The following GRM7 variants were observed in gnomAD, a reference collection of about 807,000 sequenced individuals.
The protein encoded by GRM7 is glutamate metabotropic receptor 7.
A neutral mutation model predicts 84.5 loss-of-function variants in GRM7; 35 were observed. The ratio of observed to expected loss-of-function variants is 0.41; its 90% confidence interval spans 0.32 to 0.55. The LOEUF is 0.55. Ranked by LOEUF, GRM7 falls within the 20% of genes least tolerant of loss-of-function variation. The probability of loss-of-function intolerance (pLI) is 0.19; values close to 1 mark genes in which losing one functional copy is unlikely to be tolerated. For synonymous variants in GRM7, 487 were observed against 455.1 expected, an observed-to-expected ratio of 1.07 and a Z score of -0.89; for missense variants, 1,003 against 1,194.6, an observed-to-expected ratio of 0.84 and a Z score of 2.36.
intron 1 of GRM7, among the ~76,000 whole-genome samples, chr3:7,091,758 T>A (rs2125009517): frequency 1.1e-5 from 1 of 90,458 alleles, no homozygotes; most frequent in African/African-American, 5.6e-5. Flanking sequence ...TTTGACAGTA[T>A]GGTGCGGACT....
At chr3:7,709,656 C>T (rs1701513590) in intron 9 of GRM7, among the ~76,000 whole-genome samples, 1 of 152,084 alleles carries the variant, frequency 6.6e-6, no homozygotes, top group South Asian at 2.1e-4. Flanking sequence ...GTAAGATTTC[C>T]AAACAAGTGT....
intron 7 of GRM7, among the ~76,000 whole-genome samples, chr3:7,475,561 A>G (rs1378977986): frequency 6.6e-6 from 1 of 152,108 alleles, no homozygotes; most frequent in African/African-American, 2.4e-5. Context: ...GTCTGGGGAG[A>G]AGGAGTGGAA....
intron 1 of GRM7, among the ~76,000 whole-genome samples, chr3:7,028,205 T>G (rs896126274): frequency 1.3e-5 from 2 of 152,214 alleles, no homozygotes; most frequent in Non-Finnish European, 2.9e-5. Context: ...ATTTAATAAA[T>G]GTGTGCATCT....
At chr3:6,927,231 C>G (rs531023439) in intron 1 of GRM7, among the ~76,000 whole-genome samples, 1 of 151,936 alleles carries the variant, frequency 6.6e-6, no homozygotes, top group African/African-American at 2.4e-5. Context: ...AGTTTGAGAC[C>G]GGCCTGGCCA....
At chr3:7,713,133 T>C (rs938054156) in intron 9 of GRM7, among the ~76,000 whole-genome samples, 6 of 137,326 alleles carry the variant, frequency 4.4e-5, no homozygotes, top group African/African-American at 5.3e-5. Context: ...TGTTTTTTTT[T>C]TTTTTTTTTT....
At chr3:7,715,247 G>A (rs1279702485) in intron 9 of GRM7, among the ~76,000 whole-genome samples, 1 of 152,066 alleles carries the variant, frequency 6.6e-6, no homozygotes, top group Non-Finnish European at 1.5e-5. Flanking sequence ...ATTACTTGAG[G>A]CCAAGAGTTC....
At chr3:7,656,524 T>A (rs192499564) in intron 8 of GRM7, among the ~76,000 whole-genome samples, 1,770 of 67,222 alleles carry the variant, frequency 0.026, 22 homozygotes, top group Middle Eastern at 0.056. Context: ...TAAAAAAAAA[T>A]ATATATATAT....
chr3:6,897,774 C>G (rs1294540967), intron 1 of GRM7, among the ~76,000 whole-genome samples: 3 of 152,204 alleles, frequency 2.0e-5, no homozygotes, highest in Non-Finnish European at 4.4e-5. Context: ...CTGTGGTACT[C>G]TGAAAAGGGC....
At chr3:7,637,584 G>A (rs1289985689) in intron 8 of GRM7, among the ~76,000 whole-genome samples, 2 of 152,162 alleles carry the variant, frequency 1.3e-5, no homozygotes, top group East Asian at 3.9e-4. Flanking sequence ...TGGCTTTGCA[G>A]GAGCCTATCG....
In GRM7 at chr3:7,665,168, C is replaced by CT. The variant is rs34966790; in HGVS notation, c.2452-14860dup. Among the ~76,000 whole-genome samples the CT allele has an allele frequency of 8.7e-3, 892 of 102,508 alleles. 11 individuals carry two copies. Among genetic ancestry groups the CT allele is most frequent in the African/African-American group, 0.018 (445 of 25,128 alleles). 67.2% of individuals were successfully genotyped at this position (102,508 alleles called of 152,430 possible). A position where few individuals can be genotyped will look rare whatever the true frequency, so the allele number is the denominator to read the frequency against. On this transcript the variant is annotated intron_variant, in intron 8 of 9. Coordinates refer to ENST00000357716, the MANE Select transcript of GRM7 (RefSeq NM_000844.4). The stretch of plus-strand genomic sequence containing the variant: ...ATACGGAGAATGTTTGCCCATGATT[C>CT]TTTTTTTTTTTTTTTTTTTTTGAGA...
At chr3:7,035,876 C>G (rs750611882) in intron 1 of GRM7, among the ~76,000 whole-genome samples, 5 of 152,230 alleles carry the variant, frequency 3.3e-5, no homozygotes, top group South Asian at 2.1e-4. Context: ...ACAAATGTGG[C>G]TTAAACTTAA....
At chr3:7,011,932 C>T (rs1376451876) in intron 1 of GRM7, among the ~76,000 whole-genome samples, 1 of 152,122 alleles carries the variant, frequency 6.6e-6, no homozygotes, top group Non-Finnish European at 1.5e-5. Flanking sequence ...TTTATTCTGT[C>T]CTTTGTCTTG....
chr3:7,370,261 TCAGTATTAAGTG>T (rs1158075939), intron 4 of GRM7, among the ~76,000 whole-genome samples: 1 of 152,144 alleles, frequency 6.6e-6, no homozygotes, highest in African/African-American at 2.4e-5. Context: ...CCAATGCCCA[TCAGTATTAAGTG>T]TTGATGTGAT....
At chr3:7,122,768 T>C (rs1693267621) in intron 1 of GRM7, among the ~76,000 whole-genome samples, 1 of 152,226 alleles carries the variant, frequency 6.6e-6, no homozygotes, top group Non-Finnish European at 1.5e-5. Context: ...AACAAACATC[T>C]GTTGGGGTAG....
rs1194364587 is a variant in GRM7 at position 6,861,256 on chromosome 3, A to G, written c.-133A>G. ...ACCCTCTCTGGTCGCCCCTCCCCGG[A>G]TTCCCCCACCCTCCGTGCCTGCAGG... On this transcript the variant is annotated 5_prime_UTR_variant, in exon 1 of 10. Transcript: ENST00000357716. The surrounding 1 kb of genome is among the most constrained non-coding windows in gnomAD (Gnocchi z 6.4). 2 of 654,890 alleles carry G rather than the reference A, an allele frequency of 3.1e-6. No individual in the cohort carries two copies. Among genetic ancestry groups the G allele is most frequent in the South Asian group, 3.5e-5 (1 of 28,654 alleles). 40.6% of individuals were successfully genotyped at this position (654,890 alleles called of 1,614,324 possible). A position where few individuals can be genotyped will look rare whatever the true frequency, so the allele number is the denominator to read the frequency against.
chr3:6,903,595 GC>G (rs1223284907), intron 1 of GRM7, among the ~76,000 whole-genome samples: 6 of 151,976 alleles, frequency 3.9e-5, no homozygotes, highest in African/African-American at 1.4e-4. Flanking sequence ...CCATTATAAA[GC>G]AATTATCAAC....
chr3:7,429,119 C>G (rs1475448789), intron 5 of GRM7, among the ~76,000 whole-genome samples: 2 of 152,128 alleles, frequency 1.3e-5, no homozygotes, highest in Non-Finnish European at 2.9e-5. Flanking sequence ...AAGCCTGACA[C>G]AAGTGACTTT....
At chr3:6,967,149 C>T (rs1693552470) in intron 1 of GRM7, among the ~76,000 whole-genome samples, 2 of 152,144 alleles carry the variant, frequency 1.3e-5, no homozygotes, top group Admixed American at 1.3e-4. Flanking sequence ...AGTTGCCAAA[C>T]TATAGTAAGG....
intron 2 of GRM7, among the ~76,000 whole-genome samples, chr3:7,149,075 A>G (rs1171440317): frequency 6.6e-6 from 1 of 152,158 alleles, no homozygotes; most frequent in Non-Finnish European, 1.5e-5. Context: ...TATACATATT[A>G]TGGTATCTGG....
Sources: gnomAD v4.1 joint callset for allele counts (sites outside exome capture counted in the v4.1 genomes callset) on GRCh38, gnomAD v4.1.1 for gene constraint, Gnocchi (gnomAD v3.1) non-coding constraint, MANE v1.5 for transcripts, NCBI Gene and HGNC (gene_info 2026-07-23, HGNC 2026-07-21) for gene names.